DLG2: variants seen among roughly 807,000 people sequenced by gnomAD.
DLG2 encodes disks large homolog 2.
In DLG2, 45 loss-of-function variants were observed where a neutral mutation model predicts 132.5. The ratio of observed to expected loss-of-function variants is 0.34; its 90% CI spans 0.27 to 0.44. The LOEUF (loss-of-function observed/expected upper bound fraction) is 0.44, where lower values mean the gene tolerates loss of function less well. Among genes scored for constraint, DLG2 ranks in the 20% least tolerant of loss-of-function variants. The pLI, the probability that DLG2 is intolerant of heterozygous loss-of-function variation, is 1.00. For synonymous variants in DLG2, 424 were observed against 419.6 expected, an observed-to-expected ratio of 1.01 and a Z score of -0.13; for missense variants, 1,045 against 1,196.9, an observed-to-expected ratio of 0.87 and a Z score of 1.87.
Position 83,532,625 on chromosome 11 carries a change from G to A in DLG2, c.2193+83C>T, listed in dbSNP as rs932849505. The A allele has an allele frequency of 7.0e-6, 8 of 1,149,974 alleles. No individual in the cohort carries two copies. In the Admixed American group the frequency reaches 1.4e-4, roughly 20 times the overall value. 71.2% of individuals were successfully genotyped at this position (1,149,974 alleles called of 1,614,324 possible). On this transcript the variant is annotated intron_variant, in intron 21 of 27. Transcript: ENST00000376104. ...TGTCTGGTACCTTCATAATTTGTTT[G>A]CTACTGAAAGCCTAAATGTGTTAAT... is the stretch of plus-strand genomic sequence containing the variant.
At chr11:85,041,024 G>A (rs1009234127) in intron 6 of DLG2, among the ~76,000 whole-genome samples, 1 of 151,826 alleles carries the variant, frequency 6.6e-6, no homozygotes, top group Non-Finnish European at 1.5e-5. Context: ...ATGACATACA[G>A]TTTGGGGTCT....
At chr11:84,582,648 T>A (rs1205429777) in intron 6 of DLG2, among the ~76,000 whole-genome samples, 2 of 151,970 alleles carry the variant, frequency 1.3e-5, no homozygotes, top group African/African-American at 4.8e-5. Flanking sequence ...AAATTGTGTA[T>A]ATTTGTATAT....
At chr11:84,293,894 C>G (rs936107552) in intron 7 of DLG2, among the ~76,000 whole-genome samples, 16 of 152,132 alleles carry the variant, frequency 1.1e-4, no homozygotes, top group African/African-American at 3.9e-4. Flanking sequence ...TATGCAATAA[C>G]TAGATATTCT....
intron 9 of DLG2, among the ~76,000 whole-genome samples, chr11:84,151,640 T>C: frequency 6.6e-6 from 1 of 152,224 alleles, no homozygotes; most frequent in East Asian, 1.9e-4. Flanking sequence ...AATGTTAGAT[T>C]GTTAATGTGA....
At chr11:83,775,643 A>T (rs1227647107) in intron 18 of DLG2, among the ~76,000 whole-genome samples, 1 of 151,362 alleles carries the variant, frequency 6.6e-6, no homozygotes, top group African/African-American at 2.4e-5. Flanking sequence ...TCTCATCTAT[A>T]TTTTACTCTG....
intron 2 of DLG2, among the ~76,000 whole-genome samples, chr11:85,624,889 G>C (rs1199289575): frequency 6.6e-6 from 1 of 152,102 alleles, no homozygotes; most frequent in African/African-American, 2.4e-5. Context: ...GGAGGCAAAG[G>C]AAGAGAGGAA....
chr11:84,645,631 C>G (rs892533004), intron 6 of DLG2, among the ~76,000 whole-genome samples: 2 of 152,116 alleles, frequency 1.3e-5, no homozygotes, highest in African/African-American at 4.8e-5. Context: ...CCATGCCCGG[C>G]TAATTTTTTG....
chr11:84,069,122 A>G (rs1447138841), intron 10 of DLG2, among the ~76,000 whole-genome samples: 1 of 152,174 alleles, frequency 6.6e-6, no homozygotes, highest in Admixed American at 6.5e-5. Flanking sequence ...AGAGGTGCTG[A>G]TTCAGTAGGT....
Position 84,888,259 on chromosome 11 carries a change from C to T in DLG2, c.357+223402G>A, listed in dbSNP as rs1416099719. Reference sequence around the variant, plus strand: ...AATGAGTAGAATGAGTGAAAAAGATCGACTCTCACCAATGTGGACAGGTAT... The same window carrying T: ...AATGAGTAGAATGAGTGAAAAAGATTGACTCTCACCAATGTGGACAGGTAT... On this transcript the variant is annotated intron_variant, in intron 6 of 27. Coordinates refer to ENST00000376104, the MANE Select transcript of DLG2 (RefSeq NM_001142699.3). 3.9e-5 allele frequency among the ~76,000 whole-genome samples: 6 copies of T among 152,036 alleles called. No homozygotes were observed. The South Asian group carries it at 8.3e-4, about 21-fold the overall frequency.
chr11:83,871,017 G>C, intron 16 of DLG2, among the ~76,000 whole-genome samples: 1 of 152,278 alleles, frequency 6.6e-6, no homozygotes. Flanking sequence ...GTTTTTCACC[G>C]ATCAATACCC....
chr11:85,120,682 T>C (rs1410084967), intron 5 of DLG2, among the ~76,000 whole-genome samples: 1 of 152,022 alleles, frequency 6.6e-6, no homozygotes, highest in East Asian at 1.9e-4. Context: ...AGAGGTAAGC[T>C]AAAAAAATTA....
At chr11:84,546,962 G>A (rs2099391096) in intron 6 of DLG2, 1 of 155,248 alleles carries the variant, frequency 6.4e-6, no homozygotes, top group African/African-American at 2.4e-5. Context: ...TTTCAGAACA[G>A]CGCCTAAAAG....
chr11:84,562,157 T>C (rs1029857535), intron 6 of DLG2, among the ~76,000 whole-genome samples: 1 of 151,854 alleles, frequency 6.6e-6, no homozygotes, highest in Non-Finnish European at 1.5e-5. Context: ...AACTCCAAGA[T>C]ATCCTTTGGT....
intron 6 of DLG2, among the ~76,000 whole-genome samples, chr11:84,963,850 C>T (rs996815870): frequency 1.3e-5 from 2 of 152,144 alleles, no homozygotes; most frequent in Non-Finnish European, 2.9e-5. Context: ...AAACTTAAAA[C>T]TCACCTGGCA....
chr11:84,893,346 C>G (rs1329672274), intron 6 of DLG2, among the ~76,000 whole-genome samples: 1 of 152,124 alleles, frequency 6.6e-6, no homozygotes. Flanking sequence ...TAATGGTGGA[C>G]CATCTCTGCG....
chr11:85,071,743 G>T (rs1407467174), intron 6 of DLG2, among the ~76,000 whole-genome samples: 1 of 151,690 alleles, frequency 6.6e-6, no homozygotes, highest in African/African-American at 2.4e-5. Flanking sequence ...CATGCCTTAA[G>T]GTCTAATTTC....
intron 3 of DLG2, among the ~76,000 whole-genome samples, chr11:85,399,420 G>GA (rs1270553870): frequency 6.6e-6 from 1 of 151,974 alleles, no homozygotes; most frequent in Non-Finnish European, 1.5e-5. Flanking sequence ...CACAGAATTG[G>GA]AAAAAACTAT....
chr11:85,188,889 C>A (rs1052716104), intron 4 of DLG2, among the ~76,000 whole-genome samples: 1 of 152,108 alleles, frequency 6.6e-6, no homozygotes, highest in Admixed American at 6.6e-5. Flanking sequence ...ACACAAGTAA[C>A]GGGAGTCCCA....
intron 11 of DLG2, among the ~76,000 whole-genome samples, chr11:83,983,548 T>C (rs927999336): frequency 1.3e-5 from 2 of 152,056 alleles, no homozygotes; most frequent in Non-Finnish European, 2.9e-5. Context: ...CATAGTAAAT[T>C]ATAAAGCAAC....
Sources: allele counts gnomAD v4.1 joint callset (sites outside exome capture counted in the v4.1 genomes callset), GRCh38; gene constraint gnomAD v4.1.1; transcripts MANE v1.5; gene names NCBI Gene and HGNC (gene_info 2026-07-23, HGNC 2026-07-21).